Variants in RAD51D observed in about 807,000 individuals in gnomAD.
RAD51D encodes the protein RAD51 paralog D.
A neutral mutation model predicts 44.1 loss-of-function variants in RAD51D; 38 were observed. That is an observed-to-expected ratio of 0.86 (90% CI 0.67 to 1.13). RAD51D has a LOEUF of 1.13. Ranked by LOEUF, RAD51D falls within the 50% of genes most tolerant of loss-of-function variation. The pLI is 0.00. For missense variants in RAD51D, 390 were observed against 414.0 expected, an observed-to-expected ratio of 0.94 and a Z score of 0.50; for synonymous variants, 141 against 166.6, an observed-to-expected ratio of 0.85 and a Z score of 1.18.
At position 35,103,136 on chromosome 17, in the gene RAD51D, G is replaced by C; in HGVS notation, c.738+118C>G. On this transcript the variant is annotated intron_variant, in intron 8 of 9. Coordinates refer to ENST00000345365, the MANE Select transcript of RAD51D (RefSeq NM_002878.4). This position sits in a 1 kb window ranked among gnomAD's most constrained non-coding sequence, Gnocchi z 4.1. ...GCAAAGCTGTAGCTGACCCAGGGAA[G>C]CTGGGATATGTCCCTTTCCTAAAGG... 2 of 914,932 alleles carry C rather than the reference G, an allele frequency of 2.2e-6. No individual in the cohort carries two copies. Among genetic ancestry groups the C allele is most frequent in the South Asian group, 1.4e-5 (1 of 70,884 alleles). 56.7% of individuals were successfully genotyped at this position (914,932 alleles called of 1,614,324 possible).
In RAD51D at chr17:35,096,616, T is replaced by C. The variant is rs1030217077; in HGVS notation, c.*4337A>G. The stretch of plus-strand genomic sequence containing the variant: ...GGCTCATGACTGTAATCCCTAGCAC[T>C]TTGGGAGGTCAAGGCGGGTAGATCA... On this transcript the variant is annotated 3_prime_UTR_variant, in exon 10 of 10. Coordinates refer to ENST00000345365, the MANE Select transcript of RAD51D (RefSeq NM_002878.4). The C allele has an allele frequency of 6.6e-6, 1 of 152,174 alleles. No homozygotes were observed. The highest frequency in any genetic ancestry group is 1.5e-5 in the Non-Finnish European group (1 of 68,046). 9.4% of individuals were successfully genotyped at this position (152,174 alleles called of 1,614,324 possible).
rs981794394 is a variant in RAD51D at position 35,119,782 on chromosome 17, G to A, written c.-169C>T. ...AGGCGGCACCAAGGGTAGGGCTGGG[G>A]GTCATCCGCCCGCCCGGGATCCGCC... On this transcript the variant is annotated 5_prime_UTR_variant, in exon 1 of 10. Transcript: ENST00000345365. 5.4e-6 allele frequency: 4 copies of A among 745,874 alleles called. No homozygotes were observed. The allele number at this position is 745,874 out of a possible 1,614,324, so 46.2% of individuals were successfully genotyped here.
chr17:35,111,694 C>A (rs2091679024), intron 3 of RAD51D, among the ~76,000 whole-genome samples: 1 of 152,174 alleles, frequency 6.6e-6, no homozygotes, highest in African/African-American at 2.4e-5. Context: ...AGCTATATAG[C>A]AAGTCTTAAC....
At chr17:35,115,061 G>C (rs754700405) in intron 3 of RAD51D, among the ~76,000 whole-genome samples, 1 of 152,014 alleles carries the variant, frequency 6.6e-6, no homozygotes, top group Admixed American at 6.6e-5. Context: ...GTGCCTCTCC[G>C]ACTGCCCAGA....
At chr17:35,115,939 GAAA>G (rs769197571) in intron 3 of RAD51D, among the ~76,000 whole-genome samples, 18 of 113,998 alleles carry the variant, frequency 1.6e-4, no homozygotes, top group South Asian at 6.1e-4. Context: ...AAGGAAGGAA[GAAA>G]GAAAAGGAAG....
intron 3 of RAD51D, among the ~76,000 whole-genome samples, chr17:35,110,586 G>C (rs968312113): frequency 1.3e-5 from 2 of 150,982 alleles, no homozygotes; most frequent in African/African-American, 5.0e-5. Context: ...TTTGTATAAG[G>C]TATAAGGTTT....
Position 35,093,754 on chromosome 17 carries a change from G to C in RAD51D, c.*7199C>G, listed in dbSNP as rs532913550. 29 of 152,284 alleles carry C rather than the reference G, an allele frequency of 1.9e-4. No individual in the cohort carries two copies. The highest frequency in any genetic ancestry group is 6.7e-4 in the African/African-American group (28 of 41,554). The allele number at this position is 152,284 out of a possible 1,614,324, so 9.4% of individuals were successfully genotyped here. A position where few individuals can be genotyped will look rare whatever the true frequency, so the allele number is the denominator to read the frequency against. ...CTGTGTAGTACTAAAAGTCAGTTTA[G>C]CCAGTGCAATAGGACAAGAAAAAAA... On this transcript the variant is annotated 3_prime_UTR_variant, in exon 10 of 10. Coordinates refer to ENST00000345365, the MANE Select transcript of RAD51D (RefSeq NM_002878.4).
At position 35,094,094 on chromosome 17, in the gene RAD51D, T is replaced by A. The variant is rs574798576; in HGVS notation, c.*6859A>T. 4 of 152,380 alleles carry A rather than the reference T, an allele frequency of 2.6e-5. No individual in the cohort carries two copies. Among genetic ancestry groups the A allele is most frequent in the Non-Finnish European group, 5.9e-5 (4 of 68,202 alleles). 9.4% of individuals were successfully genotyped at this position (152,380 alleles called of 1,614,324 possible). On this transcript the variant is annotated 3_prime_UTR_variant, in exon 10 of 10. Coordinates refer to ENST00000345365, the MANE Select transcript of RAD51D (RefSeq NM_002878.4). ...CCCTGCTTCACATCTCAGGGATGCATAGGCCCTGTTTTGTTTTGTTTTTTT... is the reference window on the plus strand; with the variant it reads ...CCCTGCTTCACATCTCAGGGATGCAAAGGCCCTGTTTTGTTTTGTTTTTTT...
chr17:35,106,401 G>A lies in RAD51D; in HGVS notation c.561C>T (p.Gly187=), dbSNP rs2142428930. Residue 187 remains glycine (G), a synonymous_variant, in exon 6 of 10, where the codon GGC becomes GGT. Transcript: ENST00000345365. ...GCAGGCTCACCTGCTGGGCCACAGT[G>A]CCTCGGAGCTCCTGCAGCACATCCA... is the stretch of plus-strand genomic sequence containing the variant. ...QMLDVLQELR[G]TVAQQVTGSS... The A allele has an allele frequency of 6.2e-7, 1 of 1,613,132 alleles. No homozygotes were observed.
At chr17:35,119,421 G>A in intron 1 of RAD51D, 111 bp downstream of exon 1, 1 of 1,284,352 alleles carries the variant, frequency 7.8e-7, no homozygotes, top group South Asian at 1.2e-5. Flanking sequence ...GGCCCTCTAG[G>A]AATGGAGGGG....
intron 6 of RAD51D, chr17:35,104,973 A>C (rs1315772359): frequency 6.6e-6 from 1 of 151,898 alleles, no homozygotes; most frequent in Non-Finnish European, 1.5e-5. Context: ...CTAGTCTCAG[A>C]TTCTTAACCC....
Position 35,101,108 on chromosome 17 carries a change from A to C in RAD51D, c.904-72T>G. 5 of 1,605,290 alleles carry C rather than the reference A, an allele frequency of 3.1e-6. No homozygotes were observed. The South Asian group carries it at 5.5e-5, about 18-fold the overall frequency. Reference sequence around the variant, plus strand: ...GTAGCTTCTTTAGTTGCAAGGTTTCAGCCTCTAAAGAGTTCTTCTCGAAGA... The same window carrying C: ...GTAGCTTCTTTAGTTGCAAGGTTTCCGCCTCTAAAGAGTTCTTCTCGAAGA... On this transcript the variant is annotated intron_variant, in intron 9 of 9. Coordinates refer to ENST00000345365, the MANE Select transcript of RAD51D (RefSeq NM_002878.4).
Position 35,107,419 on chromosome 17 carries a change from A to T in RAD51D, c.292T>A (p.Tyr98Asn), listed in dbSNP as rs730881946. 1.3e-6 allele frequency: 2 copies of T among 1,562,132 alleles called. No homozygotes were observed. Among genetic ancestry groups the T allele is most frequent in the African/African-American group, 2.7e-5 (2 of 73,682 alleles). The change falls in exon 4 of 10, where the codon TAT becomes AAT. Residue 98 changes from tyrosine (Y) to asparagine (N), a missense_variant. By Grantham distance (143) the Tyr-to-Asn change is moderately radical. Transcript: ENST00000345365. ...SLDKLLDAGL[Y>N]TGEVTEIVGG... Reference sequence around the variant, plus strand: ...ACAATTTCAGTCACTTCTCCAGTATAGAGACCAGCATCAAGCAGTTTATCA... The same window carrying T: ...ACAATTTCAGTCACTTCTCCAGTATTGAGACCAGCATCAAGCAGTTTATCA...
chr17:35,114,194 C>T (rs2091710381), intron 3 of RAD51D, among the ~76,000 whole-genome samples: 1 of 151,904 alleles, frequency 6.6e-6, no homozygotes, highest in South Asian at 2.1e-4. Context: ...ATGGCATGAA[C>T]CCGGGAGGTG....
intron 3 of RAD51D, among the ~76,000 whole-genome samples, chr17:35,109,913 T>C (rs570820836): frequency 6.6e-6 from 1 of 151,990 alleles, no homozygotes; most frequent in African/African-American, 2.4e-5. Flanking sequence ...GTGATCAACC[T>C]GCCTTGGCCT....
Position 35,119,769 on chromosome 17 carries a change from G to A in RAD51D, c.-156C>T. The A allele has an allele frequency of 2.6e-6, 2 of 771,082 alleles. No individual in the cohort carries two copies. Among genetic ancestry groups the A allele is most frequent in the Middle Eastern group, 3.4e-4 (1 of 2,966 alleles). 47.8% of individuals were successfully genotyped at this position (771,082 alleles called of 1,614,324 possible). A position where few individuals can be genotyped will look rare whatever the true frequency, so the allele number is the denominator to read the frequency against. On this transcript the variant is annotated 5_prime_UTR_variant, in exon 1 of 10. Coordinates refer to ENST00000345365, the MANE Select transcript of RAD51D (RefSeq NM_002878.4). ...AGGAGAGAGGAGGAGGCGGCACCAA[G>A]GGTAGGGCTGGGGGTCATCCGCCCG...
chr17:35,118,013 G>A (rs1023737269), intron 3 of RAD51D, among the ~76,000 whole-genome samples: 1 of 152,192 alleles, frequency 6.6e-6, no homozygotes, highest in Non-Finnish European at 1.5e-5. Flanking sequence ...TAGGCACTCA[G>A]TAAATGTTCT....
Position 35,100,961 on chromosome 17 carries a change from G to C in RAD51D, c.979C>G (p.Gln327Glu), listed in dbSNP as rs786203974. 1.2e-6 allele frequency: 2 copies of C among 1,611,816 alleles called. No homozygotes were observed. Among genetic ancestry groups the C allele is most frequent in the South Asian group, 2.2e-5 (2 of 91,018 alleles). The change falls in exon 10 of 10, where the codon CAG becomes GAG. Residue 327 changes from glutamine to glutamate, a missense_variant. Physicochemically the swap from Gln to Glu is conservative, Grantham distance 29. Coordinates refer to ENST00000345365, the MANE Select transcript of RAD51D (RefSeq NM_002878.4). ...CCAAACAACAGCACAGGTCATGTCT[G>C]ATCACCCTGTAATGTGGCACTCTGC... ...SEQSATLQGD[Q>E]T
At chr17:35,112,535 G>A (rs1196254355) in intron 3 of RAD51D, among the ~76,000 whole-genome samples, 1 of 151,988 alleles carries the variant, frequency 6.6e-6, no homozygotes, top group African/African-American at 2.4e-5. Context: ...CCACCACCAC[G>A]CCCAGCTAAT....
Sources: gnomAD v4.1 joint callset for allele counts (sites outside exome capture counted in the v4.1 genomes callset) on GRCh38, gnomAD v4.1.1 for gene constraint, Gnocchi (gnomAD v3.1) non-coding constraint, MANE v1.5 for transcripts, NCBI Gene and HGNC (gene_info 2026-07-23, HGNC 2026-07-21) for gene names.